The following GHR variants were observed in gnomAD, a reference collection of about 807,000 sequenced individuals.
GHR encodes growth hormone receptor.
GHR carries 35 observed loss-of-function variants against 67.1 expected under a neutral mutation model. That is an observed-to-expected ratio of 0.52 (90% confidence interval 0.40 to 0.69). The LOEUF (loss-of-function observed/expected upper bound fraction) is 0.69. Among genes scored for constraint, GHR ranks in the 30% least tolerant of loss-of-function variants. The pLI, the probability that GHR is intolerant of heterozygous loss-of-function variation, is 0.00. For missense variants in GHR, 792 were observed against 764.6 expected, an observed-to-expected ratio of 1.04 and a Z score of -0.42; for synonymous variants, 272 against 269.1, an observed-to-expected ratio of 1.01 and a Z score of -0.10.
intron 1 of GHR, among the ~76,000 whole-genome samples, chr5:42,532,355 T>C (rs923411535): frequency 6.6e-6 from 1 of 151,690 alleles, no homozygotes; most frequent in Admixed American, 6.6e-5. Context: ...AGATGATAGA[T>C]AGATAGATAG....
At position 42,565,858 on chromosome 5, in the gene GHR, T is replaced by C; in HGVS notation, c.-11-6T>C. 1 of 1,614,022 alleles carries C rather than the reference T, an allele frequency of 6.2e-7. No homozygotes were observed. The highest frequency in any genetic ancestry group is 8.5e-7 in the Non-Finnish European group (1 of 1,179,860). ...GGGCTTTACCTTACCCTTTTTGTGA[T>C]TGCAGGTCCTACAGGTATGGATCTC... On this transcript the variant is annotated splice_polypyrimidine_tract_variant and splice_region_variant and intron_variant, in intron 1 of 9. Coordinates refer to ENST00000230882, the MANE Select transcript of GHR (RefSeq NM_000163.5).
At chr5:42,570,367 T>C (rs1013352688) in intron 2 of GHR, among the ~76,000 whole-genome samples, 6 of 152,206 alleles carry the variant, frequency 3.9e-5, no homozygotes, top group Non-Finnish European at 8.8e-5. Context: ...CCTCCTGATA[T>C]TGCAGAATTT....
chr5:42,453,658 A>G (rs1038738961), intron 1 of GHR, among the ~76,000 whole-genome samples: 4 of 151,920 alleles, frequency 2.6e-5, no homozygotes, highest in African/African-American at 9.7e-5. Flanking sequence ...AGGAACTGTG[A>G]CTCTGCCTCT....
intron 2 of GHR, among the ~76,000 whole-genome samples, chr5:42,574,788 G>T (rs1418134639): frequency 6.6e-6 from 1 of 152,032 alleles, no homozygotes; most frequent in Non-Finnish European, 1.5e-5. Context: ...GATTTTTGCG[G>T]GTGATTTCTC....
At chr5:42,677,651 A>G (rs892971960) in intron 3 of GHR, among the ~76,000 whole-genome samples, 14 of 152,222 alleles carry the variant, frequency 9.2e-5, no homozygotes, top group Admixed American at 3.3e-4. Context: ...GACTGCAAGT[A>G]GTTCAGTACA....
intron 1 of GHR, among the ~76,000 whole-genome samples, chr5:42,484,050 T>C (rs1248048828): frequency 6.6e-6 from 1 of 152,238 alleles, no homozygotes; most frequent in Non-Finnish European, 1.5e-5. Flanking sequence ...ACTAAGTAGG[T>C]ACTTAATAAT....
intron 1 of GHR, among the ~76,000 whole-genome samples, chr5:42,560,842 C>T (rs1251637431): frequency 6.6e-6 from 1 of 152,192 alleles, no homozygotes; most frequent in African/African-American, 2.4e-5. Context: ...ATGTCTCTAT[C>T]ATCTCTCATA....
chr5:42,641,334 A>G (rs1259861852), intron 3 of GHR, among the ~76,000 whole-genome samples: 1 of 152,170 alleles, frequency 6.6e-6, no homozygotes, highest in Non-Finnish European at 1.5e-5. Context: ...GAATGTTTGT[A>G]TAGGTGGGGT....
intron 1 of GHR, among the ~76,000 whole-genome samples, chr5:42,457,608 C>T (rs1744315664): frequency 6.6e-6 from 1 of 152,138 alleles, no homozygotes; most frequent in African/African-American, 2.4e-5. Flanking sequence ...CCTGTATAAC[C>T]AGACCTTGTT....
intron 1 of GHR, chr5:42,466,014 G>T (rs2972411): frequency 0.2 from 108,673 of 554,320 alleles, 11,642 homozygotes; most frequent in African/African-American, 0.29. Flanking sequence ...TCTTCTTTTT[G>T]TGTTTTTTAT....
At chr5:42,559,071 A>G (rs1322315642) in intron 1 of GHR, among the ~76,000 whole-genome samples, 3 of 152,236 alleles carry the variant, frequency 2.0e-5, no homozygotes, top group Non-Finnish European at 4.4e-5. Context: ...AAGCTTAAAA[A>G]GTGGGTTCAT....
chr5:42,465,743 C>T (rs113591114), intron 1 of GHR: 19 of 912,486 alleles, frequency 2.1e-5, no homozygotes, highest in Admixed American at 6.8e-5. Context: ...ATCAAATTCA[C>T]GTTTGCCACG....
At chr5:42,510,928 A>C (rs1746988920) in intron 1 of GHR, among the ~76,000 whole-genome samples, 1 of 152,232 alleles carries the variant, frequency 6.6e-6, no homozygotes, top group South Asian at 2.1e-4. Flanking sequence ...AGCCAACTTC[A>C]GGGATTTTTC....
chr5:42,473,316 C>T (rs1000171185), intron 1 of GHR, among the ~76,000 whole-genome samples: 10 of 152,112 alleles, frequency 6.6e-5, no homozygotes, highest in Non-Finnish European at 1.0e-4. Flanking sequence ...CTGCAACCTC[C>T]GCCTCCCAGG....
intron 2 of GHR, among the ~76,000 whole-genome samples, chr5:42,607,029 A>G (rs1466971206): frequency 2.0e-5 from 3 of 152,096 alleles, no homozygotes; most frequent in African/African-American, 4.8e-5. Context: ...AAGCATTCTC[A>G]TGATAGTGAG....
At chr5:42,579,997 C>G (rs905057686) in intron 2 of GHR, among the ~76,000 whole-genome samples, 34 of 151,978 alleles carry the variant, frequency 2.2e-4, no homozygotes, top group African/African-American at 6.8e-4. Context: ...GAAAATTTCC[C>G]CCAATATTAG....
chr5:42,711,020 T>C (rs565950782), intron 6 of GHR, among the ~76,000 whole-genome samples, 187 bp from the exon 7 acceptor site: 29 of 152,314 alleles, frequency 1.9e-4, no homozygotes, highest in African/African-American at 7.0e-4. Context: ...TTGTGAACTA[T>C]TATCCATTTA....
chr5:42,531,400 G>A (rs1344179159), intron 1 of GHR, among the ~76,000 whole-genome samples: 1 of 152,126 alleles, frequency 6.6e-6, no homozygotes, highest in Non-Finnish European at 1.5e-5. Flanking sequence ...AACTACTATG[G>A]ATTTTCTCTA....
intron 3 of GHR, among the ~76,000 whole-genome samples, chr5:42,683,012 T>C (rs1561224668): frequency 6.8e-6 from 1 of 147,570 alleles, no homozygotes; most frequent in East Asian, 1.9e-4. Flanking sequence ...TTTTTATATA[T>C]TTTTTTTTGA....
Sources: gnomAD v4.1 joint callset for allele counts (sites outside exome capture counted in the v4.1 genomes callset) on GRCh38, gnomAD v4.1.1 for gene constraint, MANE v1.5 for transcripts, NCBI Gene and HGNC (gene_info 2026-07-23, HGNC 2026-07-21) for gene names.